The following PPP1R12B variants were observed in gnomAD, a reference collection of about 807,000 sequenced individuals.
The protein encoded by PPP1R12B is myosin phosphatase target subunit 2.
A neutral mutation model predicts 126.1 loss-of-function variants in PPP1R12B; 76 were observed. That is an observed-to-expected ratio of 0.60 (90% confidence interval 0.50 to 0.73). The LOEUF (loss-of-function observed/expected upper bound fraction) is 0.73, where lower values mean the gene tolerates loss of function less well. PPP1R12B is among the 30% of genes least tolerant of loss of function. The pLI is 0.00. For missense variants in PPP1R12B, 1,052 were observed against 1,205.1 expected, an observed-to-expected ratio of 0.87 and a Z score of 1.88; for synonymous variants, 356 against 434.7, an observed-to-expected ratio of 0.82 and a Z score of 2.25.
rs1186222210 is a variant in PPP1R12B, at chr1:202,584,699, TA to T, written c.*4143del. 2.0e-5 allele frequency: 3 copies of T among 152,170 alleles called. No individual in the cohort carries two copies. Among genetic ancestry groups the T allele is most frequent in the Admixed American group, 6.5e-5 (1 of 15,276 alleles). The allele number at this position is 152,170 out of a possible 1,614,324, so 9.4% of individuals were successfully genotyped here. The stretch of plus-strand genomic sequence containing the variant: ...GAAGCCTGGAGAAGAGAGAACTATT[TA>T]AAAGTGTTGCCAGTTATTCAGCTTC... On this transcript the variant is annotated 3_prime_UTR_variant, in exon 24 of 24. Coordinates refer to ENST00000608999, the MANE Select transcript of PPP1R12B (RefSeq NM_002481.4).
chr1:202,441,562 A>G (rs1201486044), intron 11 of PPP1R12B, among the ~76,000 whole-genome samples: 2 of 152,202 alleles, frequency 1.3e-5, no homozygotes, highest in African/African-American at 4.8e-5. Context: ...AAATATTAAT[A>G]CACATTAAAG....
chr1:202,474,530 G>A (rs1167439610), intron 13 of PPP1R12B, among the ~76,000 whole-genome samples: 4 of 151,876 alleles, frequency 2.6e-5, no homozygotes, highest in South Asian at 2.1e-4. Context: ...TGCCCGCCTC[G>A]GCCTCCTAAA....
At chr1:202,382,272 G>A (rs1224895799) in intron 1 of PPP1R12B, among the ~76,000 whole-genome samples, 1 of 139,220 alleles carries the variant, frequency 7.2e-6, no homozygotes. Flanking sequence ...GGGGCCTGTT[G>A]TGGAGTGGGG....
intron 1 of PPP1R12B, among the ~76,000 whole-genome samples, chr1:202,355,995 C>A (rs963127278): frequency 2.0e-5 from 3 of 151,940 alleles, no homozygotes; most frequent in African/African-American, 7.3e-5. Context: ...TGTGGTGAGA[C>A]CCTATCTCTC....
intron 18 of PPP1R12B, among the ~76,000 whole-genome samples, chr1:202,554,461 T>G (rs1335066179): frequency 6.6e-6 from 1 of 152,144 alleles, no homozygotes; most frequent in Admixed American, 6.5e-5. Context: ...TTTAGGAGAT[T>G]TATCTACTCT....
intron 13 of PPP1R12B, among the ~76,000 whole-genome samples, chr1:202,478,754 C>T (rs2148813842): frequency 6.6e-6 from 1 of 151,780 alleles, no homozygotes; most frequent in Middle Eastern, 3.4e-3. Context: ...GTTTTTTCCC[C>T]TGGGGAAAAA....
At chr1:202,436,306 T>A (rs1459447429) in intron 9 of PPP1R12B, among the ~76,000 whole-genome samples, 1 of 152,002 alleles carries the variant, frequency 6.6e-6, no homozygotes, top group Non-Finnish European at 1.5e-5. Flanking sequence ...ACACACACAT[T>A]CTACTTTGCT....
intron 1 of PPP1R12B, among the ~76,000 whole-genome samples, chr1:202,351,242 TAA>T (rs759452680): frequency 6.8e-4 from 80 of 117,532 alleles, no homozygotes; most frequent in African/African-American, 2.4e-3. Context: ...TGTTGTTGTT[TAA>T]AAAAAAAAAA....
At chr1:202,468,719 T>C (rs1346982234) in intron 13 of PPP1R12B, among the ~76,000 whole-genome samples, 3 of 152,112 alleles carry the variant, frequency 2.0e-5, no homozygotes, top group Non-Finnish European at 2.9e-5. Context: ...TTTGGGAGGC[T>C]GAGGCGGGCG....
chr1:202,453,672 G>T (rs561222291), intron 13 of PPP1R12B, among the ~76,000 whole-genome samples: 1 of 150,252 alleles, frequency 6.7e-6, no homozygotes, highest in Non-Finnish European at 1.5e-5. Context: ...TTTGCTTATT[G>T]TAAGGACAGG....
Position 202,442,429 on chromosome 1 carries a change from C to T in PPP1R12B, c.1542-18C>T. The T allele has an allele frequency of 3.7e-6, 6 of 1,601,534 alleles. No homozygotes were observed. Among genetic ancestry groups the T allele is most frequent in the Non-Finnish European group, 5.1e-6 (6 of 1,174,972 alleles). On this transcript the variant is annotated intron_variant, in intron 11 of 23. Transcript: ENST00000608999. ...GTGGTAGGAATCAGTGTTTTGTTTT[C>T]CTTTCATGCTTCTACAGAGAATCAG... is the stretch of plus-strand genomic sequence containing the variant.
intron 18 of PPP1R12B, among the ~76,000 whole-genome samples, chr1:202,524,609 TATA>T (rs2148922684): frequency 6.6e-6 from 1 of 152,320 alleles, no homozygotes; most frequent in Admixed American, 6.5e-5. Context: ...AGTGAGAACA[TATA>T]ATGTTTGGTT....
intron 1 of PPP1R12B, among the ~76,000 whole-genome samples, chr1:202,405,375 G>A (rs1009685098): frequency 1.3e-5 from 2 of 152,002 alleles, no homozygotes; most frequent in Non-Finnish European, 2.9e-5. Context: ...TACATGTACA[G>A]GAACTTACAT....
intron 12 of PPP1R12B, among the ~76,000 whole-genome samples, chr1:202,443,667 A>C (rs1434744722): frequency 1.3e-5 from 2 of 152,254 alleles, no homozygotes; most frequent in Non-Finnish European, 2.9e-5. Context: ...ATTTGTCTTA[A>C]TGGCTAAGGC....
intron 18 of PPP1R12B, among the ~76,000 whole-genome samples, chr1:202,556,807 T>C (rs1002494948): frequency 6.6e-6 from 1 of 152,204 alleles, no homozygotes; most frequent in Admixed American, 6.5e-5. Context: ...TTAAATACAA[T>C]AGATGCTTTA....
Position 202,419,388 on chromosome 1 carries a change from A to G in PPP1R12B, c.422+2471A>G, listed in dbSNP as rs1268525852. 6.6e-6 allele frequency among the ~76,000 whole-genome samples: 1 copy of G among 152,228 alleles called. No homozygotes were observed. The highest frequency in any genetic ancestry group is 1.9e-4 in the East Asian group (1 of 5,204). On this transcript the variant is annotated intron_variant, in intron 2 of 23. Transcript: ENST00000608999. This position sits in a 1 kb window ranked among gnomAD's most constrained non-coding sequence, Gnocchi z 4.6. ...TTTCTAGGGGCATATTTATTGAGCT[A>G]GTGGCTGTTTGTGAGCCTTTGGGCA...
intron 19 of PPP1R12B, among the ~76,000 whole-genome samples, chr1:202,560,128 A>G (rs1001874934): frequency 7.9e-5 from 12 of 152,214 alleles, no homozygotes; most frequent in African/African-American, 2.9e-4. Flanking sequence ...AGCCATACCG[A>G]GAAACAAATG....
chr1:202,448,893 A>T lies in PPP1R12B; in HGVS notation c.1668-96A>T. ...ACAAAATCAGAGCGAGATTTCCTAG[A>T]TGAACCACTCTTTAATCCTTCTGTC... On this transcript the variant is annotated intron_variant, in intron 12 of 23. Transcript: ENST00000608999. The T allele has an allele frequency of 2.3e-6, 3 of 1,314,778 alleles. No homozygotes were observed. The East Asian group carries it at 7.0e-5, about 31-fold the overall frequency. The allele number at this position is 1,314,778 out of a possible 1,614,324, so 81.4% of individuals were successfully genotyped here.
intron 18 of PPP1R12B, among the ~76,000 whole-genome samples, chr1:202,499,472 C>G (rs1679955843): frequency 6.6e-6 from 1 of 152,180 alleles, no homozygotes; most frequent in Non-Finnish European, 1.5e-5. Flanking sequence ...CCAGGCTGGT[C>G]TCGAACTCCT....
Sources: gnomAD v4.1 joint callset for allele counts (sites outside exome capture counted in the v4.1 genomes callset) on GRCh38, gnomAD v4.1.1 for gene constraint, Gnocchi (gnomAD v3.1) non-coding constraint, MANE v1.5 for transcripts, NCBI Gene and HGNC (gene_info 2026-07-23, HGNC 2026-07-21) for gene names.